The following TTC28 variants were observed in gnomAD, a reference collection of about 807,000 sequenced individuals.
TTC28 encodes tetratricopeptide repeat protein 28.
A neutral mutation model predicts 198.0 loss-of-function variants in TTC28; 61 were observed. That is an observed-to-expected ratio of 0.31 (90% CI 0.25 to 0.38). TTC28 has a LOEUF of 0.38. Among genes scored for constraint, TTC28 ranks in the 10% least tolerant of loss-of-function variants. The probability of loss-of-function intolerance (pLI) is 1.00; values close to 1 mark genes in which losing one functional copy is unlikely to be tolerated. For synonymous variants in TTC28, 1,171 were observed against 1,297.8 expected (o/e 0.90, Z 2.10); for missense variants, 2,678 against 3,164.0 (o/e 0.85, Z 3.69).
intron 2 of TTC28, among the ~76,000 whole-genome samples, chr22:28,547,558 AC>A (rs1311247485): frequency 6.6e-6 from 1 of 151,914 alleles, no homozygotes; most frequent in African/African-American, 2.4e-5. Flanking sequence ...TCCTCTTTCT[AC>A]CCCCAGTCAA....
intron 3 of TTC28, among the ~76,000 whole-genome samples, chr22:28,303,240 A>G (rs753948469): frequency 6.6e-6 from 1 of 152,226 alleles, no homozygotes. Flanking sequence ...AGTATGCTAC[A>G]ACACCCAAAT....
At chr22:28,412,931 TCTC>T (rs2047104565) in intron 2 of TTC28, among the ~76,000 whole-genome samples, 1 of 152,190 alleles carries the variant, frequency 6.6e-6, no homozygotes, top group South Asian at 2.1e-4. Context: ...AGTTTCCTCT[TCTC>T]TCACACTAAT....
At chr22:28,036,500 C>A (rs1016753660) in intron 12 of TTC28, among the ~76,000 whole-genome samples, 2 of 152,322 alleles carry the variant, frequency 1.3e-5, no homozygotes, top group East Asian at 3.9e-4. Context: ...ACCATAATCT[C>A]TGGGACACAT....
chr22:28,321,758 A>G (rs2145849484), intron 2 of TTC28, among the ~76,000 whole-genome samples: 1 of 152,322 alleles, frequency 6.6e-6, no homozygotes, highest in African/African-American at 2.4e-5. Context: ...ACTTAGGATA[A>G]TTTATAGTGG....
chr22:28,105,942 A>C, intron 7 of TTC28, 140 bp from the exon 8 acceptor site: 1 of 1,087,250 alleles, frequency 9.2e-7, no homozygotes, highest in Non-Finnish European at 1.3e-6. Flanking sequence ...AAAATCTATC[A>C]TGTGCCCTTA....
At chr22:28,624,807 A>G (rs1956894879) in intron 2 of TTC28, among the ~76,000 whole-genome samples, 1 of 152,216 alleles carries the variant, frequency 6.6e-6, no homozygotes, top group Admixed American at 6.5e-5. Context: ...GCTACAGATC[A>G]GTATCTCTCT....
At chr22:28,468,690 A>ATTTTTTTTTT (rs35984422) in intron 2 of TTC28, among the ~76,000 whole-genome samples, 65 of 122,260 alleles carry the variant, frequency 5.3e-4, no homozygotes, top group East Asian at 7.4e-4. Flanking sequence ...CGCCCGGCTA[A>ATTTTTTTTTT]TTTTTTTTTT....
rs369000349 is a variant in TTC28 at position 28,217,275 on chromosome 22, T to A, written c.934-53676A>T. Among the ~76,000 whole-genome samples, 18 of 131,830 alleles carry A rather than the reference T, an allele frequency of 1.4e-4. No homozygotes were observed. In the East Asian group the frequency reaches 1.4e-3, roughly 10 times the overall value. 86.5% of individuals were successfully genotyped at this position (131,830 alleles called of 152,430 possible). ...ATACCTACTATGCACATGCAAAAAATAAAAATAAAAAACTGAGTGCCAGAA... is the reference window on the plus strand; with the variant it reads ...ATACCTACTATGCACATGCAAAAAAAAAAAATAAAAAACTGAGTGCCAGAA... On this transcript the variant is annotated intron_variant, in intron 5 of 22. Transcript: ENST00000397906.
At chr22:28,025,353 G>A (rs1489141091) in intron 13 of TTC28, among the ~76,000 whole-genome samples, 17 of 152,160 alleles carry the variant, frequency 1.1e-4, no homozygotes, top group Non-Finnish European at 2.4e-4. Context: ...GTAAGCAAAC[G>A]TAAAAAGCTC....
chr22:28,114,895 AT>A lies in TTC28; in HGVS notation c.1442-6493del, dbSNP rs1942590612. Among the ~76,000 whole-genome samples the A allele has an allele frequency of 2.6e-5, 4 of 152,238 alleles. No homozygotes were observed. The South Asian group carries it at 8.3e-4, about 32-fold the overall frequency. On this transcript the variant is annotated intron_variant, in intron 6 of 22. Transcript: ENST00000397906. ...GCCAACATGTCAGGCCAATACAGAT[AT>A]TTTTAAATGCAGGTAATTCCAAAAA...
At chr22:28,250,739 C>T (rs770704509) in intron 5 of TTC28, among the ~76,000 whole-genome samples, 4 of 152,180 alleles carry the variant, frequency 2.6e-5, no homozygotes, top group Admixed American at 2.6e-4. Context: ...ATTTTTCCCT[C>T]AAATATCTGC....
intron 5 of TTC28, among the ~76,000 whole-genome samples, chr22:28,163,951 C>G (rs974729352): frequency 3.3e-5 from 5 of 152,348 alleles, no homozygotes; most frequent in Non-Finnish European, 5.9e-5. Flanking sequence ...CACCCTAATA[C>G]TGCACTTTTC....
chr22:28,609,622 G>C (rs2050786589), intron 2 of TTC28, among the ~76,000 whole-genome samples: 1 of 152,160 alleles, frequency 6.6e-6, no homozygotes, highest in Admixed American at 6.5e-5. Flanking sequence ...CCAGGGCCCT[G>C]GGTTTCGAGC....
At chr22:28,560,562 C>G (rs779178079) in intron 2 of TTC28, among the ~76,000 whole-genome samples, 24 of 152,082 alleles carry the variant, frequency 1.6e-4, no homozygotes, top group Non-Finnish European at 2.8e-4. Flanking sequence ...CATAATCATT[C>G]CCACCCAAGG....
chr22:28,082,155 A>G (rs1941389462), intron 12 of TTC28, among the ~76,000 whole-genome samples: 1 of 152,192 alleles, frequency 6.6e-6, no homozygotes, highest in Non-Finnish European at 1.5e-5. Context: ...GTTTTTTGGT[A>G]GAATCTTTCA....
intron 1 of TTC28, among the ~76,000 whole-genome samples, chr22:28,633,381 C>T (rs2051212574): frequency 6.6e-6 from 1 of 151,718 alleles, no homozygotes; most frequent in African/African-American, 2.4e-5. Flanking sequence ...TGTAATCCCA[C>T]ACTTTGGGAG....
At chr22:28,328,784 AATAATAATAATAATAAT>A (rs1466851653) in intron 2 of TTC28, among the ~76,000 whole-genome samples, 1 of 147,314 alleles carries the variant, frequency 6.8e-6, no homozygotes, top group Non-Finnish European at 1.5e-5. Flanking sequence ...TAATAATAAT[AATAATAATAATAATAAT>A]AATATGTTCT....
chr22:28,404,906 C>G (rs2046976299), intron 2 of TTC28, among the ~76,000 whole-genome samples: 1 of 152,148 alleles, frequency 6.6e-6, no homozygotes, highest in African/African-American at 2.4e-5. Context: ...GGCAGCAGGG[C>G]TTGATTATGT....
intron 1 of TTC28, among the ~76,000 whole-genome samples, chr22:28,671,223 G>C (rs2051875785): frequency 6.6e-6 from 1 of 152,042 alleles, no homozygotes; most frequent in Non-Finnish European, 1.5e-5. Flanking sequence ...AGGATTACAG[G>C]CATGAACCAC....
Sources: gnomAD v4.1 joint callset for allele counts (sites outside exome capture counted in the v4.1 genomes callset) on GRCh38, gnomAD v4.1.1 for gene constraint, MANE v1.5 for transcripts, NCBI Gene and HGNC (gene_info 2026-07-23, HGNC 2026-07-21) for gene names.